The following ST7 variants were observed in gnomAD, a reference collection of about 807,000 sequenced individuals.
ST7 encodes suppression of tumorigenicity 7, also known as suppressor of tumorigenicity 7 protein.
Under a neutral mutation model 78.7 loss-of-function variants are expected in ST7, and 28 were observed. The ratio of observed to expected loss-of-function variants is 0.36; its 90% confidence interval spans 0.26 to 0.49. ST7 has a LOEUF of 0.49. ST7 is among the 20% of genes least tolerant of loss of function. The pLI is 0.99. For synonymous variants in ST7, 247 were observed against 249.6 expected (o/e 0.99, Z 0.10); for missense variants, 418 against 696.0 (o/e 0.60, Z 4.49).
At chr7:117,075,652 G>A (rs1304212809) in intron 1 of ST7, among the ~76,000 whole-genome samples, 2 of 152,152 alleles carry the variant, frequency 1.3e-5, no homozygotes, top group Non-Finnish European at 1.5e-5. Flanking sequence ...AAAGAGAGCT[G>A]GAGAAGAACA....
intron 1 of ST7, among the ~76,000 whole-genome samples, chr7:117,011,106 A>G (rs982829446): frequency 2.6e-5 from 4 of 152,182 alleles, no homozygotes; most frequent in African/African-American, 9.7e-5. Context: ...ACCCTCTAGT[A>G]GGCAGATCCT....
intron 15 of ST7, among the ~76,000 whole-genome samples, chr7:117,228,107 T>G (rs1793565732): frequency 6.6e-6 from 1 of 152,196 alleles, no homozygotes; most frequent in African/African-American, 2.4e-5. Flanking sequence ...CCCACCCTGC[T>G]CCTATTTCTT....
chr7:117,026,699 G>C (rs1325262253), intron 1 of ST7, among the ~76,000 whole-genome samples: 2 of 152,204 alleles, frequency 1.3e-5, no homozygotes, highest in Admixed American at 6.5e-5. Context: ...TACCATCTAA[G>C]CTTACAGTGT....
intron 1 of ST7, among the ~76,000 whole-genome samples, chr7:117,051,152 C>T (rs1797774168): frequency 6.6e-6 from 1 of 152,220 alleles, no homozygotes; most frequent in African/African-American, 2.4e-5. Flanking sequence ...TTAAAACTTA[C>T]TGTGTTTAAC....
At position 117,141,101 on chromosome 7, in the gene ST7, C is replaced by A. The variant is rs1805253588; in HGVS notation, c.963+2569C>A. 7.2e-5 allele frequency among the ~76,000 whole-genome samples: 11 copies of A among 152,330 alleles called. No individual in the cohort carries two copies. The South Asian group carries it at 2.3e-3, about 32-fold the overall frequency. The stretch of plus-strand genomic sequence containing the variant: ...GCACATAAACCATTTTGCTGGAAGA[C>A]TTTCTCTGATAAAATAGCTCAGTAG... On this transcript the variant is annotated intron_variant, in intron 9 of 15. Coordinates refer to ENST00000323984, the MANE Select transcript of ST7 (RefSeq NM_001369598.1).
intron 1 of ST7, among the ~76,000 whole-genome samples, chr7:116,976,294 C>T (rs547907268): frequency 6.6e-6 from 1 of 151,898 alleles, no homozygotes; most frequent in Non-Finnish European, 1.5e-5. Flanking sequence ...AACAACAAAC[C>T]CCAAAAGACC....
chr7:117,215,443 G>A (rs1181787937), intron 13 of ST7, among the ~76,000 whole-genome samples: 1 of 152,200 alleles, frequency 6.6e-6, no homozygotes, highest in Non-Finnish European at 1.5e-5. Flanking sequence ...GTTTAATAGA[G>A]AGGGATATGG....
intron 7 of ST7, among the ~76,000 whole-genome samples, chr7:117,135,106 G>A (rs565022528): frequency 1.3e-5 from 2 of 152,194 alleles, no homozygotes; most frequent in East Asian, 1.9e-4. Context: ...AGTGGGGAAG[G>A]AGAGTGAAAG....
At chr7:117,034,419 A>G (rs983241581) in intron 1 of ST7, among the ~76,000 whole-genome samples, 3 of 152,186 alleles carry the variant, frequency 2.0e-5, no homozygotes, top group Non-Finnish European at 2.9e-5. Flanking sequence ...GAGGGGTTAA[A>G]AGTTATTTAA....
intron 1 of ST7, among the ~76,000 whole-genome samples, chr7:117,092,668 TA>T (rs1385911602): frequency 1.3e-5 from 2 of 152,166 alleles, no homozygotes; most frequent in Admixed American, 6.5e-5. Context: ...AATGATGGAT[TA>T]AACTATTCCG....
intron 1 of ST7, among the ~76,000 whole-genome samples, chr7:117,051,436 A>C (rs1189500075): frequency 6.6e-6 from 1 of 152,234 alleles, no homozygotes; most frequent in Non-Finnish European, 1.5e-5. Flanking sequence ...AGAAGCCCTG[A>C]GAGGGAAAGA....
chr7:117,226,216 T>C (rs775944592), intron 15 of ST7, among the ~76,000 whole-genome samples: 16 of 152,212 alleles, frequency 1.1e-4, no homozygotes, highest in Non-Finnish European at 2.4e-4. Flanking sequence ...ATGAAGCCTG[T>C]TGGGAGCCGT....
intron 1 of ST7, among the ~76,000 whole-genome samples, chr7:117,050,878 C>T (rs925798837): frequency 6.6e-6 from 1 of 150,682 alleles, no homozygotes; most frequent in Non-Finnish European, 1.5e-5. Context: ...TGCAGTGAGC[C>T]GAGATCGAGC....
chr7:117,167,013 C>G (rs1178596268), intron 9 of ST7, among the ~76,000 whole-genome samples: 1 of 150,700 alleles, frequency 6.6e-6, no homozygotes, highest in Non-Finnish European at 1.5e-5. Context: ...GCATAAGTTA[C>G]TGGCAGCATG....
intron 1 of ST7, chr7:116,959,827 G>A (rs1585043327): frequency 6.6e-6 from 1 of 152,242 alleles, no homozygotes; most frequent in Middle Eastern, 3.4e-3. Flanking sequence ...ATTTTTCTCT[G>A]AGCTTGAGTT....
intron 10 of ST7, among the ~76,000 whole-genome samples, chr7:117,188,747 GTTTA>G (rs1164743686): frequency 2.7e-5 from 4 of 146,460 alleles, no homozygotes; most frequent in Non-Finnish European, 5.9e-5. Flanking sequence ...AGTTATATAT[GTTTA>G]TTTATATATT....
intron 3 of ST7, among the ~76,000 whole-genome samples, 179 bp from the exon 4 acceptor site, chr7:117,129,614 C>T (rs1299014814): frequency 1.3e-5 from 2 of 151,780 alleles, no homozygotes; most frequent in African/African-American, 4.8e-5. Context: ...TTCCAAAGTC[C>T]CGGAGCCTGA....
intron 1 of ST7, among the ~76,000 whole-genome samples, chr7:117,039,758 A>T (rs573039233): frequency 2.6e-5 from 4 of 152,306 alleles, no homozygotes; most frequent in African/African-American, 7.2e-5. Flanking sequence ...TCTACACTGC[A>T]CTTCAGTACT....
intron 15 of ST7, among the ~76,000 whole-genome samples, chr7:117,224,096 G>A (rs945629011): frequency 6.6e-6 from 1 of 152,082 alleles, no homozygotes; most frequent in Non-Finnish European, 1.5e-5. Flanking sequence ...CAGTGATGGG[G>A]CACTCACATA....
Sources: allele counts gnomAD v4.1 joint callset (sites outside exome capture counted in the v4.1 genomes callset), GRCh38; gene constraint gnomAD v4.1.1; transcripts MANE v1.5; gene names NCBI Gene and HGNC (gene_info 2026-07-23, HGNC 2026-07-21).